Variants in LAMA4 observed in about 807,000 individuals in gnomAD.
LAMA4 encodes the protein laminin subunit alpha 4.
In LAMA4, 127 loss-of-function variants were observed where a neutral mutation model predicts 207.1. The ratio of observed to expected loss-of-function variants is 0.61; its 90% CI spans 0.53 to 0.71. The LOEUF (loss-of-function observed/expected upper bound fraction) is 0.71, where lower values mean the gene tolerates loss of function less well. Among genes scored for constraint, LAMA4 ranks in the 30% least tolerant of loss-of-function variants. LAMA4 has a pLI of 0.00. For missense variants in LAMA4, 2,093 were observed against 2,246.5 expected, an observed-to-expected ratio of 0.93 and a Z score of 1.38; for synonymous variants, 761 against 816.0, an observed-to-expected ratio of 0.93 and a Z score of 1.15.
chr6:112,183,950 C>CA (rs782424211), intron 9 of LAMA4, among the ~76,000 whole-genome samples: 23,556 of 81,290 alleles, frequency 0.29, 3,563 homozygotes, highest in East Asian at 0.55. Flanking sequence ...GACTCCATCT[C>CA]AAAAAAAAAA....
At chr6:112,164,579 G>C (rs1451495511) in intron 13 of LAMA4, among the ~76,000 whole-genome samples, 1 of 152,188 alleles carries the variant, frequency 6.6e-6, no homozygotes, top group African/African-American at 2.4e-5. Context: ...AAGACAGTTT[G>C]GTGCTGAAAT....
At chr6:112,237,628 T>G (rs1221152993) in intron 2 of LAMA4, among the ~76,000 whole-genome samples, 3 of 152,196 alleles carry the variant, frequency 2.0e-5, no homozygotes, top group Non-Finnish European at 4.4e-5. Flanking sequence ...TTAGTAGGTT[T>G]TATGTTGAAA....
intron 3 of LAMA4, 32 bp downstream of exon 3, chr6:112,216,336 G>C (rs782440135): frequency 1.5e-6 from 2 of 1,346,690 alleles, no homozygotes; most frequent in Non-Finnish European, 2.1e-6. Flanking sequence ...GCCCAGTGAA[G>C]TACGTGAAGT....
At chr6:112,120,549 G>T in intron 32 of LAMA4, 77 bp from the exon 33 acceptor site, 1 of 1,122,722 alleles carries the variant, frequency 8.9e-7, no homozygotes, top group South Asian at 1.3e-5. Context: ...AAATAATACA[G>T]TGTAAGGAAG....
intron 12 of LAMA4, among the ~76,000 whole-genome samples, chr6:112,165,593 T>C (rs1303948941): frequency 3.3e-5 from 5 of 152,188 alleles, no homozygotes; most frequent in Admixed American, 2.0e-4. Flanking sequence ...AAGAGGACTA[T>C]GGAGAAAGGA....
rs1554331477 is a variant in LAMA4, at chr6:112,136,176, G to A, written c.3361C>T (p.His1121Tyr). The A allele has an allele frequency of 6.2e-7, 1 of 1,612,028 alleles. No homozygotes were observed. The change falls in exon 25 of 39, where the codon CAT (histidine) becomes TAT (tyrosine). Residue 1121 changes from histidine (H) to tyrosine (Y), a missense_variant. His to Tyr is a moderately conservative substitution (Grantham distance 83). Coordinates refer to ENST00000230538, the MANE Select transcript of LAMA4 (RefSeq NM_001105206.3). ...GCTTTCTTTAACGTATCTTCAAGAT[G>A]CACAGGGCCACCGCTGAATCCAAAA... is the stretch of plus-strand genomic sequence containing the variant. ...YDFGFSGGPV[H>Y]LEDTLKKAQI...
At chr6:112,220,625 A>C (rs1424861492) in intron 2 of LAMA4, among the ~76,000 whole-genome samples, 2 of 152,166 alleles carry the variant, frequency 1.3e-5, no homozygotes, top group African/African-American at 2.4e-5. Context: ...AAGATTGTTT[A>C]ACAAAGAGGA....
chr6:112,166,635 T>C (rs1554340027), intron 12 of LAMA4, among the ~76,000 whole-genome samples: 1 of 152,228 alleles, frequency 6.6e-6, no homozygotes, highest in Non-Finnish European at 1.5e-5. Flanking sequence ...GCACTGTATA[T>C]AAGCTTATTT....
At position 112,141,495 on chromosome 6, in the gene LAMA4, T is replaced by C. The variant is rs782557728; in HGVS notation, c.2676A>G (p.Lys892=). 1 of 1,598,238 alleles carries C rather than the reference T, an allele frequency of 6.3e-7. No individual in the cohort carries two copies. Among genetic ancestry groups the C allele is most frequent in the Non-Finnish European group, 8.6e-7 (1 of 1,165,534 alleles). The change falls in exon 21 of 39, where the codon AAA becomes AAG. Residue 892 remains lysine, a synonymous_variant. Transcript: ENST00000230538. ...ILYLGSKNAK[K]EYMGLAIKND... ...TTTTGATTGCAAGACCCATATACTCTTTTTTGGCCTGAAATATCAAGAAGT... is the reference window on the plus strand; with the variant it reads ...TTTTGATTGCAAGACCCATATACTCCTTTTTGGCCTGAAATATCAAGAAGT...
rs568860942 is a variant in LAMA4 at position 112,186,572 on chromosome 6, G to A, written c.966+878C>T. Among the ~76,000 whole-genome samples, 4 of 152,280 alleles carry A rather than the reference G, an allele frequency of 2.6e-5. No homozygotes were observed. In the East Asian group the frequency reaches 5.8e-4, roughly 22 times the overall value. ...TGTGGGAGATTGGTCCCAGGACCCC[G>A]TGGGGATGCTCCAGTTCCTGATACA... On this transcript the variant is annotated intron_variant, in intron 8 of 38. Transcript: ENST00000230538.
rs140911762 is a variant in LAMA4 at position 112,175,352 on chromosome 6, G to C, written c.1318C>G (p.Arg440Gly). ...TCTGCCTCCTCATCCACGAGCTCCC[G>C]TTGGGTGAAAAATGGTTGACGGCTT... is the stretch of plus-strand genomic sequence containing the variant. ...IRSRQPFFTQRELVDEEADEA... is the reference protein window; with the variant it reads ...IRSRQPFFTQGELVDEEADEA... The change falls in exon 11 of 39, where the codon CGG (arginine) becomes GGG (glycine). Residue 440 changes from arginine (R) to glycine (G), a missense_variant. Arg to Gly is a moderately radical substitution (Grantham distance 125, BLOSUM62 -2). Coordinates refer to ENST00000230538, the MANE Select transcript of LAMA4 (RefSeq NM_001105206.3). 3.7e-6 allele frequency: 6 copies of C among 1,614,030 alleles called. No homozygotes were observed. In the African/African-American group the frequency reaches 4.0e-5, roughly 11 times the overall value.
chr6:112,188,087 G>T (rs1172520917), intron 7 of LAMA4, among the ~76,000 whole-genome samples: 1 of 152,072 alleles, frequency 6.6e-6, no homozygotes, highest in Non-Finnish European at 1.5e-5. Flanking sequence ...AGAACCCAGG[G>T]CCCTCCTGTG....
At chr6:112,170,123 T>C (rs1554341325) in intron 12 of LAMA4, among the ~76,000 whole-genome samples, 1 of 152,236 alleles carries the variant, frequency 6.6e-6, no homozygotes, top group Non-Finnish European at 1.5e-5. Context: ...CAAGGCTATG[T>C]AGAAGACAAA....
At chr6:112,174,683 G>A (rs1373498058) in intron 11 of LAMA4, among the ~76,000 whole-genome samples, 1 of 152,156 alleles carries the variant, frequency 6.6e-6, no homozygotes, top group Admixed American at 6.5e-5. Flanking sequence ...AGTAGAGATG[G>A]GGTTTCACCA....
rs1312164231 is a variant in LAMA4, at chr6:112,187,608, G to A, written c.815-7C>T. ...CAGACGCACTTATCACAGCCTGGAG[G>A]TGAAACATTTCTTCAGAATCACAAG... On this transcript the variant is annotated splice_polypyrimidine_tract_variant and splice_region_variant and intron_variant, in intron 7 of 38. Coordinates refer to ENST00000230538, the MANE Select transcript of LAMA4 (RefSeq NM_001105206.3). The A allele has an allele frequency of 1.1e-5, 17 of 1,613,438 alleles. No individual in the cohort carries two copies. Among genetic ancestry groups the A allele is most frequent in the Non-Finnish European group, 1.4e-5 (17 of 1,179,748 alleles).
intron 38 of LAMA4, among the ~76,000 whole-genome samples, chr6:112,111,402 C>CT (rs1200619537): frequency 9.9e-5 from 15 of 152,100 alleles, no homozygotes; most frequent in Non-Finnish European, 2.1e-4. Flanking sequence ...CTAAAGTTGA[C>CT]TTTTTTGGTG....
At chr6:112,177,994 C>A in intron 10 of LAMA4, 127 bp downstream of exon 10, 1 of 737,120 alleles carries the variant, frequency 1.4e-6, no homozygotes, top group South Asian at 1.5e-5. Flanking sequence ...CAAGTTTAAA[C>A]CTATAATACT....
At chr6:112,158,013 T>A (rs1281864680) in intron 14 of LAMA4, 1 of 152,270 alleles carries the variant, frequency 6.6e-6, no homozygotes, top group Non-Finnish European at 1.5e-5. Flanking sequence ...ATTTTATTAA[T>A]GACCTTTACT....
chr6:112,160,918 G>C (rs1781016732), intron 13 of LAMA4, among the ~76,000 whole-genome samples: 1 of 152,114 alleles, frequency 6.6e-6, no homozygotes, highest in Admixed American at 6.5e-5. Flanking sequence ...TGCTTTGCAG[G>C]AATGAGTCCA....
Sources: allele counts gnomAD v4.1 joint callset (sites outside exome capture counted in the v4.1 genomes callset), GRCh38; gene constraint gnomAD v4.1.1; transcripts MANE v1.5; gene names NCBI Gene and HGNC (gene_info 2026-07-23, HGNC 2026-07-21).